Variants in SECISBP2 observed in about 807,000 individuals in gnomAD.
SECISBP2 encodes SECIS binding protein 2.
A neutral mutation model predicts 98.2 loss-of-function variants in SECISBP2; 96 were observed. The observed-to-expected ratio is 0.98, with a 90% CI of 0.83 to 1.16. SECISBP2 has a LOEUF of 1.16. Among genes scored for constraint, SECISBP2 ranks in the 50% most tolerant of loss-of-function variants. SECISBP2 has a pLI of 0.00. For missense variants in SECISBP2, 1,046 were observed against 1,022.9 expected (o/e 1.02, Z -0.31); for synonymous variants, 407 against 370.2 (o/e 1.10, Z -1.14).
chr9:89,322,645 A>G (rs943197769), intron 2 of SECISBP2: 1 of 152,210 alleles, frequency 6.6e-6, no homozygotes, highest in Admixed American at 6.5e-5. Context: ...TTTAGTACCA[A>G]TTGATGCTTT....
At chr9:89,350,011 C>G in intron 13 of SECISBP2, 82 bp downstream of exon 13, 3 of 1,523,088 alleles carry the variant, frequency 2.0e-6, no homozygotes, top group Admixed American at 1.7e-5. Context: ...TCCCATAAAT[C>G]CTTGTTGCTG....
intron 12 of SECISBP2, 73 bp downstream of exon 12, chr9:89,348,287 C>T: frequency 6.4e-7 from 1 of 1,560,298 alleles, no homozygotes; most frequent in Admixed American, 1.7e-5. Flanking sequence ...CTATGCTGAG[C>T]AAACTCTCCA....
chr9:89,320,559 T>G (rs1263956638), intron 2 of SECISBP2, among the ~76,000 whole-genome samples: 1 of 152,148 alleles, frequency 6.6e-6, no homozygotes, highest in Non-Finnish European at 1.5e-5. Flanking sequence ...TAGCTGCCTC[T>G]GTGTGGATAA....
At chr9:89,346,489 G>A (rs1323856922) in intron 10 of SECISBP2, among the ~76,000 whole-genome samples, 3 of 152,160 alleles carry the variant, frequency 2.0e-5, no homozygotes, top group Non-Finnish European at 4.4e-5. Flanking sequence ...AACTGGAAAC[G>A]GTGGTGGAGA....
intron 7 of SECISBP2, among the ~76,000 whole-genome samples, chr9:89,335,716 C>T (rs1405062069): frequency 1.3e-5 from 2 of 152,160 alleles, no homozygotes; most frequent in African/African-American, 4.8e-5. Context: ...GTTTATTGTA[C>T]TTACACTTTG....
downstream of SECISBP2, chr9:89,362,254 G>A (rs993164358): frequency 1.5e-6 from 2 of 1,371,262 alleles, no homozygotes; most frequent in African/African-American, 1.4e-5. Context: ...TGCCCATCAG[G>A]TGGTGGCCCA....
chr9:89,319,823 C>G (rs1587831260), intron 2 of SECISBP2, 26 bp downstream of exon 2: 2 of 1,611,920 alleles, frequency 1.2e-6, no homozygotes, highest in East Asian at 4.5e-5. Flanking sequence ...AAAGTCTTAC[C>G]TAGGGGCTTA....
Position 89,336,081 on chromosome 9 carries a change from CTTTTTTTTTTTTTT to C in SECISBP2, c.1089+1365_1089+1378del, listed in dbSNP as rs59799418. Reference sequence around the variant, plus strand: ...TTTTTCCCTTAAGTAATTTTAAGTGCTTTTTTTTTTTTTTTTTTTTTTTTTTTCACTGCAGCTTT... The same window carrying C: ...TTTTTCCCTTAAGTAATTTTAAGTGCTTTTTTTTTTTTTCACTGCAGCTTT... On this transcript the variant is annotated intron_variant, in intron 7 of 16. Transcript: ENST00000375807. Among the ~76,000 whole-genome samples the C allele has an allele frequency of 3.3e-3, 110 of 33,062 alleles. 2 individuals carry two copies. The Middle Eastern group carries it at 0.06, about 18-fold the overall frequency. The allele number at this position is 33,062 out of a possible 152,430, so 21.7% of individuals were successfully genotyped here.
downstream of SECISBP2, chr9:89,364,602 C>A (rs181770247): frequency 1.6e-3 from 258 of 157,532 alleles, 1 homozygote; most frequent in Non-Finnish European, 3.0e-3. Flanking sequence ...GGACTCTGGG[C>A]CCGACATTGG....
intron 2 of SECISBP2, chr9:89,322,459 G>C (rs1454648025): frequency 1.3e-5 from 2 of 152,212 alleles, no homozygotes; most frequent in African/African-American, 4.8e-5. Context: ...CCATGAGGTG[G>C]CAGGCAGATG....
At chr9:89,356,751 T>A (rs866344487) in intron 14 of SECISBP2, 6 of 153,398 alleles carry the variant, frequency 3.9e-5, no homozygotes, top group African/African-American at 1.4e-4. Context: ...AAAAATTCAT[T>A]CCTACCAACT....
chr9:89,332,791 T>G, intron 5 of SECISBP2, 117 bp from the exon 6 acceptor site: 2 of 831,312 alleles, frequency 2.4e-6, no homozygotes, highest in Non-Finnish European at 2.0e-6. Context: ...TTTTTCATTC[T>G]TACCAGCAAT....
At chr9:89,322,206 T>C (rs918009162) in intron 2 of SECISBP2, 1 of 152,266 alleles carries the variant, frequency 6.6e-6, no homozygotes, top group African/African-American at 2.4e-5. Context: ...ATTTATGTTA[T>C]AGGACAAGAC....
At chr9:89,364,123 G>A (rs549652453), downstream of SECISBP2, 11 of 1,397,130 alleles carry the variant, frequency 7.9e-6, no homozygotes, top group African/African-American at 4.3e-5. Flanking sequence ...CATGGCCAGC[G>A]GGAGCCTTGG....
In SECISBP2 at chr9:89,334,781, T is replaced by C. The variant is rs750992029; in HGVS notation, c.1089+51T>C. On this transcript the variant is annotated intron_variant, in intron 7 of 16. Transcript: ENST00000375807. ...AGGATGGTGGTTGCCAGGGGCTCAG[T>C]AGAGTGGGGAATGAGAAGTTATTTA... The C allele has an allele frequency of 3.0e-6, 4 of 1,345,436 alleles. No individual in the cohort carries two copies. The African/African-American group carries it at 5.8e-5, about 19-fold the overall frequency. 83.3% of individuals were successfully genotyped at this position (1,345,436 alleles called of 1,614,324 possible). A position where few individuals can be genotyped will look rare whatever the true frequency, so the allele number is the denominator to read the frequency against.
intron 7 of SECISBP2, among the ~76,000 whole-genome samples, chr9:89,335,018 T>C (rs983721969): frequency 6.6e-6 from 1 of 152,050 alleles, no homozygotes; most frequent in African/African-American, 2.4e-5. Context: ...ATGGAGACCA[T>C]CCTGGCTAAC....
rs1482810833 is a variant in SECISBP2, at chr9:89,318,650, C to T, written c.36+38C>T. ...GGGGGCTCTCTCGGCAGCCTCAGTC[C>T]GTCCGCCTGCCTCGCACTGGGGGCT... On this transcript the variant is annotated intron_variant, in intron 1 of 16. Transcript: ENST00000375807. The T allele has an allele frequency of 2.5e-5, 35 of 1,387,842 alleles. 1 individual carries two copies. The East Asian group carries it at 9.6e-4, about 38-fold the overall frequency. 86.0% of individuals were successfully genotyped at this position (1,387,842 alleles called of 1,614,324 possible).
intron 14 of SECISBP2, chr9:89,356,471 G>C (rs552698345): frequency 6.6e-6 from 1 of 152,360 alleles, no homozygotes; most frequent in African/African-American, 2.4e-5. Flanking sequence ...TGCGGGGATG[G>C]TTTAAAAGAC....
At chr9:89,365,980 C>G in the SECISBP2 span, among the ~76,000 whole-genome samples, 2 of 152,202 alleles carry the variant, frequency 1.3e-5, no homozygotes, top group Non-Finnish European at 1.5e-5. Flanking sequence ...AATGCTCCTC[C>G]CAAGGACTTG....
Sources: gnomAD v4.1 joint callset for allele counts (sites outside exome capture counted in the v4.1 genomes callset) on GRCh38, gnomAD v4.1.1 for gene constraint, MANE v1.5 for transcripts, NCBI Gene and HGNC (gene_info 2026-07-23, HGNC 2026-07-21) for gene names.